The following KIAA0825 variants were observed in gnomAD, a reference collection of about 807,000 sequenced individuals.
The protein encoded by KIAA0825 is uncharacterized protein KIAA0825.
In KIAA0825, 119 loss-of-function variants were observed where a neutral mutation model predicts 147.6. The observed-to-expected ratio is 0.81, with a 90% CI of 0.69 to 0.94. The LOEUF is 0.94. Among genes scored for constraint, KIAA0825 ranks in the 40% least tolerant of loss-of-function variants. The probability of loss-of-function intolerance (pLI) is 0.00; values close to 1 mark genes in which losing one functional copy is unlikely to be tolerated. For synonymous variants in KIAA0825, 470 were observed against 518.1 expected (o/e 0.91, Z 1.26); for missense variants, 1,381 against 1,472.7 (o/e 0.94, Z 1.02).
chr5:94,295,102 G>A (rs1778077772), intron 20 of KIAA0825, among the ~76,000 whole-genome samples: 1 of 151,956 alleles, frequency 6.6e-6, no homozygotes. Context: ...ATATTTCTTG[G>A]AGGCTTTGTT....
chr5:94,353,926 A>G (rs2150374750), intron 20 of KIAA0825, among the ~76,000 whole-genome samples: 1 of 152,302 alleles, frequency 6.6e-6, no homozygotes, highest in Admixed American at 6.5e-5. Context: ...TTTACTTTGT[A>G]ATCTATTACA....
intron 20 of KIAA0825, among the ~76,000 whole-genome samples, chr5:94,382,403 C>A (rs903738532): frequency 6.6e-6 from 1 of 152,160 alleles, no homozygotes; most frequent in Non-Finnish European, 1.5e-5. Flanking sequence ...AATTTCCTTA[C>A]CGGTTCAATA....
chr5:94,378,793 C>T (rs1349129958), intron 20 of KIAA0825, among the ~76,000 whole-genome samples: 1 of 152,142 alleles, frequency 6.6e-6, no homozygotes, highest in Non-Finnish European at 1.5e-5. Context: ...TATTAGTAGC[C>T]ATTCTGACTG....
chr5:94,613,029 T>C (rs149883285), intron 1 of KIAA0825, among the ~76,000 whole-genome samples: 1 of 152,232 alleles, frequency 6.6e-6, no homozygotes, highest in South Asian at 2.1e-4. Flanking sequence ...TATATGTTCA[T>C]GAGTTTAAGC....
In KIAA0825 at chr5:94,557,873, C is replaced by T. The variant is rs141499167; in HGVS notation, c.-1-20746G>A. Among the ~76,000 whole-genome samples the T allele has an allele frequency of 2.1e-3, 317 of 152,244 alleles. 2 individuals carry two copies. The highest frequency in any genetic ancestry group is 7.3e-3 in the African/African-American group (302 of 41,520). On this transcript the variant is annotated intron_variant, in intron 2 of 20. Transcript: ENST00000682413. ...TTTCTGGTCCCTGTTTGTTATGGCT[C>T]GAGCGGTGCTTTTGCTCGCTGTCCA... is the stretch of plus-strand genomic sequence containing the variant.
chr5:94,341,273 T>A (rs1782349498), intron 20 of KIAA0825, among the ~76,000 whole-genome samples: 1 of 152,222 alleles, frequency 6.6e-6, no homozygotes, highest in Non-Finnish European at 1.5e-5. Flanking sequence ...TTGTTTAAAA[T>A]TCCCATATAA....
chr5:94,367,420 C>T (rs979084282), intron 20 of KIAA0825, among the ~76,000 whole-genome samples: 5 of 152,088 alleles, frequency 3.3e-5, no homozygotes, highest in Non-Finnish European at 7.4e-5. Flanking sequence ...ATCACTTGAA[C>T]CTGGGAGGCG....
chr5:94,366,034 G>A (rs1307507521), intron 20 of KIAA0825, among the ~76,000 whole-genome samples: 1 of 151,982 alleles, frequency 6.6e-6, no homozygotes, highest in African/African-American at 2.4e-5. Flanking sequence ...TAGCACAAAA[G>A]GACAGCTTCA....
Position 94,484,788 on chromosome 5 carries a change from C to A in KIAA0825, c.1113G>T (p.Lys371Asn). The A allele has an allele frequency of 6.7e-7, 1 of 1,491,340 alleles. No individual in the cohort carries two copies. Among genetic ancestry groups the A allele is most frequent in the South Asian group, 1.3e-5 (1 of 75,344 alleles). 92.4% of individuals were successfully genotyped at this position (1,491,340 alleles called of 1,614,324 possible). Residue 371 changes from lysine (K) to asparagine (N), a missense_variant, in exon 6 of 21, where the codon AAG (lysine) becomes AAT (asparagine). By Grantham distance (94) the Lys-to-Asn change is moderately conservative. Coordinates refer to ENST00000682413, the MANE Select transcript of KIAA0825 (RefSeq NM_001145678.3). ...TATTACCTGAAGTATCCCTGGTTAT[C>A]TTGAGTGATAAAAGTATTTCGTCAA... ...ELFDEILLSL[K>N]ITRDTSGILE...
intron 20 of KIAA0825, among the ~76,000 whole-genome samples, chr5:94,220,999 A>G (rs1321775841): frequency 1.3e-5 from 2 of 152,346 alleles, no homozygotes; most frequent in South Asian, 4.1e-4. Flanking sequence ...GATGTTTTAC[A>G]TGTCCCTTCA....
intron 1 of KIAA0825, among the ~76,000 whole-genome samples, chr5:94,588,697 C>G (rs1478145565): frequency 6.6e-6 from 1 of 152,028 alleles, no homozygotes; most frequent in African/African-American, 2.4e-5. Flanking sequence ...CGTATATACC[C>G]AAAGGATTAT....
intron 20 of KIAA0825, among the ~76,000 whole-genome samples, chr5:94,302,561 C>T (rs1427041529): frequency 2.6e-5 from 4 of 152,068 alleles, no homozygotes; most frequent in East Asian, 3.9e-4. Context: ...AAGGATCTGA[C>T]TGAATAAAAA....
At chr5:94,250,974 A>G (rs534082971) in intron 20 of KIAA0825, among the ~76,000 whole-genome samples, 5 of 152,270 alleles carry the variant, frequency 3.3e-5, no homozygotes, top group African/African-American at 1.2e-4. Context: ...AGAGTAGATT[A>G]ATAATTTAAT....
intron 20 of KIAA0825, among the ~76,000 whole-genome samples, chr5:94,379,364 C>T (rs1319388958): frequency 6.6e-6 from 1 of 152,140 alleles, no homozygotes; most frequent in South Asian, 2.1e-4. Context: ...ATAGTGAATT[C>T]TTTACCCATT....
intron 20 of KIAA0825, among the ~76,000 whole-genome samples, chr5:94,367,733 A>T (rs1196623181): frequency 6.6e-6 from 1 of 152,204 alleles, no homozygotes; most frequent in Non-Finnish European, 1.5e-5. Flanking sequence ...AAGAAAATAT[A>T]TTTAAAAATC....
intron 20 of KIAA0825, among the ~76,000 whole-genome samples, chr5:94,360,682 A>C (rs927544431): frequency 6.6e-6 from 1 of 152,196 alleles, no homozygotes; most frequent in Non-Finnish European, 1.5e-5. Context: ...ATATGGTCTG[A>C]AAAAGTTCAG....
chr5:94,273,924 T>G (rs1777100081), intron 20 of KIAA0825, among the ~76,000 whole-genome samples: 1 of 152,146 alleles, frequency 6.6e-6, no homozygotes, highest in African/African-American at 2.4e-5. Flanking sequence ...AATATTAAGC[T>G]TATTTTGCCA....
At chr5:94,482,573 A>T (rs113670121) in intron 6 of KIAA0825, among the ~76,000 whole-genome samples, 16 of 152,216 alleles carry the variant, frequency 1.1e-4, no homozygotes, top group African/African-American at 3.1e-4. Flanking sequence ...TTCCTTAATC[A>T]TCCATTTCAA....
chr5:94,381,305 A>G (rs1470565231), intron 20 of KIAA0825, among the ~76,000 whole-genome samples: 1 of 152,188 alleles, frequency 6.6e-6, no homozygotes, highest in Non-Finnish European at 1.5e-5. Context: ...TTGAATATGT[A>G]CGGTGGTGCC....
Sources: allele counts gnomAD v4.1 joint callset (sites outside exome capture counted in the v4.1 genomes callset), GRCh38; gene constraint gnomAD v4.1.1; transcripts MANE v1.5; gene names NCBI Gene and HGNC (gene_info 2026-07-23, HGNC 2026-07-21).